The following IRGM variants were observed in gnomAD, a reference collection of about 807,000 sequenced individuals.
IRGM encodes the protein immunity related GTPase M.
For missense variants in IRGM, 288 were observed against 219.9 expected, an observed-to-expected ratio of 1.31 and a Z score of -1.96; for synonymous variants, 98 against 80.6, an observed-to-expected ratio of 1.22 and a Z score of -1.16.
chr5:150,870,870 T>C (rs1754273063), intron 1 of IRGM, among the ~76,000 whole-genome samples: 1 of 152,148 alleles, frequency 6.6e-6, no homozygotes, highest in Non-Finnish European at 1.5e-5. Flanking sequence ...GTTTTTGTTG[T>C]TTTGATTTGT....
At chr5:150,854,576 T>C (rs1451275086) in intron 1 of IRGM, among the ~76,000 whole-genome samples, 1 of 152,162 alleles carries the variant, frequency 6.6e-6, no homozygotes, top group Admixed American at 6.5e-5. Flanking sequence ...TTTTGCTAAA[T>C]ACAGAATTCT....
At chr5:150,862,747 G>C (rs947568749) in intron 1 of IRGM, among the ~76,000 whole-genome samples, 2 of 152,176 alleles carry the variant, frequency 1.3e-5, no homozygotes, top group African/African-American at 4.8e-5. Context: ...TTTATCTAAA[G>C]TTGACTGGCC....
chr5:150,856,103 C>T (rs916156517), intron 1 of IRGM, among the ~76,000 whole-genome samples: 1 of 152,002 alleles, frequency 6.6e-6, no homozygotes, highest in African/African-American at 2.4e-5. Flanking sequence ...ATATATATGT[C>T]CAAATTTTAT....
intron 3 of IRGM, chr5:150,896,502 C>T: frequency 1.2e-6 from 2 of 1,613,530 alleles, no homozygotes. Flanking sequence ...AACGTTTCCA[C>T]ACTGATTATC....
chr5:150,856,054 T>TG, intron 1 of IRGM, among the ~76,000 whole-genome samples: 1 of 151,682 alleles, frequency 6.6e-6, no homozygotes, highest in South Asian at 2.1e-4. Context: ...TTGACTATCA[T>TG]GGGGGAATAT....
intron 1 of IRGM, among the ~76,000 whole-genome samples, chr5:150,875,939 T>C (rs566136982): frequency 1.3e-5 from 2 of 152,328 alleles, no homozygotes. Context: ...CTATCCTGTG[T>C]ACAATGCTTC....
At chr5:150,848,897 C>T (rs1450406606), downstream of IRGM, among the ~76,000 whole-genome samples, 4 of 152,040 alleles carry the variant, frequency 2.6e-5, no homozygotes, top group African/African-American at 9.7e-5. Flanking sequence ...AACTCTCCAC[C>T]AGGTGCTAAA....
chr5:150,849,925 G>A (rs550617911), downstream of IRGM, among the ~76,000 whole-genome samples: 1 of 152,108 alleles, frequency 6.6e-6, no homozygotes, highest in Non-Finnish European at 1.5e-5. Flanking sequence ...TTTTATAAGT[G>A]ACATGCTAGA....
At chr5:150,889,460 A>T (rs1023154456) in intron 3 of IRGM, among the ~76,000 whole-genome samples, 9 of 152,066 alleles carry the variant, frequency 5.9e-5, no homozygotes, top group Non-Finnish European at 1.2e-4. Flanking sequence ...CTCCCACAAC[A>T]TGTGGGAATT....
At chr5:150,881,476 T>G (rs185070970) in intron 3 of IRGM, among the ~76,000 whole-genome samples, 1 of 151,976 alleles carries the variant, frequency 6.6e-6, no homozygotes, top group Non-Finnish European at 1.5e-5. Flanking sequence ...AAAAAAATGC[T>G]AAAGAGAGTT....
rs1210441593 is a variant in IRGM at position 150,848,480 on chromosome 5, A to G, written c.357A>G (p.Ala119=). The change falls in exon 2 of 2, where the codon GCA becomes GCG. Residue 119 remains alanine, a synonymous_variant. Transcript: ENST00000522154. ...QFNRYDFIMV[A]SAQFSMNHVM... ...ACCGGTATGACTTCATCATGGTTGCATCTGCACAATTCAGCATGAATCATG... is the reference window on the plus strand; with the variant it reads ...ACCGGTATGACTTCATCATGGTTGCGTCTGCACAATTCAGCATGAATCATG... The G allele has an allele frequency of 1.9e-6, 3 of 1,551,888 alleles. No individual in the cohort carries two copies. In the Admixed American group the frequency reaches 5.9e-5, roughly 30 times the overall value.
At chr5:150,849,933 A>G (rs929349057), downstream of IRGM, among the ~76,000 whole-genome samples, 1 of 152,168 alleles carries the variant, frequency 6.6e-6, no homozygotes, top group Non-Finnish European at 1.5e-5. Flanking sequence ...GTGACATGCT[A>G]GATAAGGATA....
At chr5:150,870,214 C>G (rs1008209629) in intron 1 of IRGM, among the ~76,000 whole-genome samples, 1 of 152,052 alleles carries the variant, frequency 6.6e-6, no homozygotes, top group Non-Finnish European at 1.5e-5. Flanking sequence ...AAATAGGAAC[C>G]ATTACAGACA....
chr5:150,879,098 A>G (rs1286326837), intron 2 of IRGM, among the ~76,000 whole-genome samples: 1 of 152,224 alleles, frequency 6.6e-6, no homozygotes, highest in African/African-American at 2.4e-5. Context: ...TGTTCATATC[A>G]GTAAGAAAAA....
At chr5:150,878,245 C>T (rs1754394136) in intron 2 of IRGM, 1 of 318,314 alleles carries the variant, frequency 3.1e-6, no homozygotes, top group Non-Finnish European at 6.1e-6. Flanking sequence ...GTGATCCCAA[C>T]TTCCTGACTC....
At chr5:150,850,981 C>A (rs1753966853), downstream of IRGM, among the ~76,000 whole-genome samples, 1 of 152,190 alleles carries the variant, frequency 6.6e-6, no homozygotes, top group Non-Finnish European at 1.5e-5. Flanking sequence ...AAACAAAATT[C>A]ATCTCTACTT....
intron 3 of IRGM, among the ~76,000 whole-genome samples, chr5:150,892,484 T>C (rs555367407): frequency 6.6e-6 from 1 of 152,276 alleles, no homozygotes; most frequent in South Asian, 2.1e-4. Flanking sequence ...TTTTGAGATC[T>C]TCTACATAGA....
intron 3 of IRGM, among the ~76,000 whole-genome samples, chr5:150,892,191 A>T (rs1863998): frequency 0.21 from 32,152 of 151,884 alleles, 5,541 homozygotes; most frequent in African/African-American, 0.46. Context: ...AAATGGTGAC[A>T]TTAAGTGTTT....
At chr5:150,857,784 T>G (rs1234698821) in intron 1 of IRGM, among the ~76,000 whole-genome samples, 1 of 152,234 alleles carries the variant, frequency 6.6e-6, no homozygotes, top group Non-Finnish European at 1.5e-5. Flanking sequence ...TTGTTTGTTT[T>G]TTTCTTGTAA....
Sources: gnomAD v4.1 joint callset for allele counts (sites outside exome capture counted in the v4.1 genomes callset) on GRCh38, gnomAD v4.1.1 for gene constraint, MANE v1.5 for transcripts, NCBI Gene and HGNC (gene_info 2026-07-23, HGNC 2026-07-21) for gene names.